The following GRIK2 variants were observed in gnomAD, a reference collection of about 807,000 sequenced individuals.
GRIK2 encodes the protein glutamate ionotropic receptor kainate type subunit 2, also known as glutamate receptor ionotropic, kainate 2.
Under a neutral mutation model 100.3 loss-of-function variants are expected in GRIK2, and 32 were observed. The ratio of observed to expected loss-of-function variants is 0.32; its 90% confidence interval spans 0.24 to 0.43. The LOEUF (loss-of-function observed/expected upper bound fraction) is 0.43, where lower values mean the gene tolerates loss of function less well. GRIK2 is among the 20% of genes least tolerant of loss of function. The pLI, the probability that GRIK2 is intolerant of heterozygous loss-of-function variation, is 1.00. For missense variants in GRIK2, 843 were observed against 1,114.9 expected (o/e 0.76, Z 3.47); for synonymous variants, 417 against 389.4 (o/e 1.07, Z -0.83).
chr6:101,877,491 T>G (rs1215165433), intron 11 of GRIK2, among the ~76,000 whole-genome samples: 2 of 151,964 alleles, frequency 1.3e-5, no homozygotes, highest in Non-Finnish European at 2.9e-5. Context: ...ATACTTCATA[T>G]AAAGGATTTG....
chr6:101,461,355 T>C (rs1035847543), intron 2 of GRIK2, among the ~76,000 whole-genome samples: 1 of 152,194 alleles, frequency 6.6e-6, no homozygotes, highest in Admixed American at 6.5e-5. Context: ...ATTCTAGTTG[T>C]TAGTGGCATT....
At chr6:101,645,461 T>C (rs1781483599) in intron 4 of GRIK2, among the ~76,000 whole-genome samples, 1 of 151,882 alleles carries the variant, frequency 6.6e-6, no homozygotes. Context: ...AGACAAGGTA[T>C]ATAAAATAAG....
At position 101,906,366 on chromosome 6, in the gene GRIK2, C is replaced by CTGTGTGTGTGTG. The variant is rs141112872; in HGVS notation, c.1748+16511_1748+16522dup. Among the ~76,000 whole-genome samples, 968 of 145,916 alleles carry CTGTGTGTGTGTG rather than the reference C, an allele frequency of 6.6e-3. 15 individuals are homozygous for CTGTGTGTGTGTG. The highest frequency in any genetic ancestry group is 0.023 in the African/African-American group (916 of 40,132). On this transcript the variant is annotated intron_variant, in intron 12 of 16. Transcript: ENST00000369134. ...TTGAATCATAACTATAAAACAAGATCTGTGTGTGTGTGTGTGTGTTTGTGT... is the reference window on the plus strand; with the variant it reads ...TTGAATCATAACTATAAAACAAGATCTGTGTGTGTGTGTGTGTGTGTGTGTGTGTGTTTGTGT...
intron 15 of GRIK2, among the ~76,000 whole-genome samples, chr6:102,045,930 G>T (rs1027531268): frequency 1.3e-5 from 2 of 151,960 alleles, no homozygotes; most frequent in African/African-American, 4.8e-5. Flanking sequence ...TTTTTAAAAA[G>T]ATCAAATTAC....
chr6:101,868,267 C>T (rs1216671488), intron 11 of GRIK2, among the ~76,000 whole-genome samples: 5 of 149,574 alleles, frequency 3.3e-5, no homozygotes, highest in African/African-American at 1.2e-4. Flanking sequence ...GTAGAAGAGG[C>T]GTGAAATTGG....
At chr6:101,768,955 A>T (rs531387053) in intron 7 of GRIK2, among the ~76,000 whole-genome samples, 2 of 152,280 alleles carry the variant, frequency 1.3e-5, no homozygotes, top group Admixed American at 6.5e-5. Context: ...TTTCTGATTT[A>T]AAAAAAGACA....
At chr6:101,411,131 A>G (rs1372804877) in intron 2 of GRIK2, among the ~76,000 whole-genome samples, 1 of 152,080 alleles carries the variant, frequency 6.6e-6, no homozygotes, top group Non-Finnish European at 1.5e-5. Flanking sequence ...TCACTCAGGA[A>G]GACTTCCTGG....
At chr6:101,582,177 A>G (rs1778134807) in intron 2 of GRIK2, among the ~76,000 whole-genome samples, 1 of 152,016 alleles carries the variant, frequency 6.6e-6, no homozygotes. Flanking sequence ...CCATCAATCC[A>G]TCATCTACAT....
intron 2 of GRIK2, among the ~76,000 whole-genome samples, chr6:101,583,565 A>G (rs575396487): frequency 2.0e-5 from 3 of 152,156 alleles, no homozygotes; most frequent in Admixed American, 6.6e-5. Context: ...ACTATGATGC[A>G]TCAGATAGTG....
intron 7 of GRIK2, among the ~76,000 whole-genome samples, chr6:101,746,249 T>G (rs1471596476): frequency 6.6e-6 from 1 of 152,224 alleles, no homozygotes; most frequent in Non-Finnish European, 1.5e-5. Flanking sequence ...TTTAATCATC[T>G]AACCAGGTAG....
intron 2 of GRIK2, among the ~76,000 whole-genome samples, chr6:101,500,318 G>C (rs1370589543): frequency 6.6e-6 from 1 of 152,046 alleles, no homozygotes; most frequent in East Asian, 1.9e-4. Context: ...ATAATGATAA[G>C]TTAGAATTTA....
At chr6:101,578,890 C>T (rs546509030) in intron 2 of GRIK2, among the ~76,000 whole-genome samples, 1 of 152,230 alleles carries the variant, frequency 6.6e-6, no homozygotes, top group South Asian at 2.1e-4. Flanking sequence ...AAACAGTTTT[C>T]AAAAGCAATT....
chr6:101,807,931 AAAG>A (rs796271397), intron 9 of GRIK2, among the ~76,000 whole-genome samples: 1 of 152,100 alleles, frequency 6.6e-6, no homozygotes, highest in Non-Finnish European at 1.5e-5. Context: ...GCAAAAATAA[AAAG>A]AAGCAGGAAA....
chr6:101,910,317 G>A (rs997448805), intron 12 of GRIK2, among the ~76,000 whole-genome samples: 9 of 151,104 alleles, frequency 6.0e-5, no homozygotes, highest in Non-Finnish European at 1.2e-4. Context: ...TATGGCCCAA[G>A]TGACTGGGGG....
Position 101,749,068 on chromosome 6 carries a change from T to C in GRIK2, c.952-50580T>C, listed in dbSNP as rs115483583. On this transcript the variant is annotated intron_variant, in intron 7 of 16. Transcript: ENST00000369134. The stretch of plus-strand genomic sequence containing the variant: ...AATAAGAAAACAAATTTATGTACAT[T>C]ATTAAATTTACACTTAACAAAGGAA... Among the ~76,000 whole-genome samples the C allele has an allele frequency of 6.3e-3, 967 of 152,294 alleles. 6 individuals carry two copies. Among genetic ancestry groups the C allele is most frequent in the African/African-American group, 0.021 (875 of 41,564 alleles).
intron 2 of GRIK2, among the ~76,000 whole-genome samples, chr6:101,581,167 C>CGT (rs1562240445): frequency 6.7e-6 from 1 of 148,568 alleles, no homozygotes; most frequent in Non-Finnish European, 1.5e-5. Flanking sequence ...GATATATATA[C>CGT]ATATATATAT....
intron 14 of GRIK2, among the ~76,000 whole-genome samples, chr6:101,980,891 CT>C (rs36081447): frequency 4.9e-3 from 617 of 124,740 alleles, no homozygotes; most frequent in Middle Eastern, 0.028. Context: ...CCATTTTTTC[CT>C]TTTTTTTTTT....
In GRIK2 at chr6:101,843,687, T is replaced by C. The variant is rs544179482; in HGVS notation, c.1318-15600T>C. ...CTGCACGTTATAATCACATAGGAAG[T>C]TGTTTTTTGCTTTGTTTCATTTTTA... On this transcript the variant is annotated intron_variant, in intron 10 of 16. Coordinates refer to ENST00000369134, the MANE Select transcript of GRIK2 (RefSeq NM_021956.5). 3.9e-5 allele frequency among the ~76,000 whole-genome samples: 6 copies of C among 152,126 alleles called. No homozygotes were observed. In the South Asian group the frequency reaches 1.2e-3, roughly 32 times the overall value.
chr6:101,445,046 C>A (rs1409802907), intron 2 of GRIK2, among the ~76,000 whole-genome samples: 1 of 152,068 alleles, frequency 6.6e-6, no homozygotes, highest in Non-Finnish European at 1.5e-5. Flanking sequence ...GCATTCCTTT[C>A]CTGTTCAGGC....
Sources: gnomAD v4.1 joint callset for allele counts (sites outside exome capture counted in the v4.1 genomes callset) on GRCh38, gnomAD v4.1.1 for gene constraint, MANE v1.5 for transcripts, NCBI Gene and HGNC (gene_info 2026-07-23, HGNC 2026-07-21) for gene names.